PTPRT: variants seen among roughly 807,000 people sequenced by gnomAD.
PTPRT encodes protein tyrosine phosphatase receptor type T.
PTPRT carries 56 observed loss-of-function variants against 176.8 expected under a neutral mutation model. The observed-to-expected ratio is 0.32, with a 90% CI of 0.26 to 0.40. The LOEUF (loss-of-function observed/expected upper bound fraction) is 0.40, where lower values mean the gene tolerates loss of function less well. Among genes scored for constraint, PTPRT ranks in the 10% least tolerant of loss-of-function variants. The pLI, the probability that PTPRT is intolerant of heterozygous loss-of-function variation, is 1.00. For synonymous variants in PTPRT, 783 were observed against 739.0 expected (o/e 1.06, Z -0.96); for missense variants, 1,540 against 1,908.2 (o/e 0.81, Z 3.60).
chr20:42,562,001 C>A (rs1251505238), intron 7 of PTPRT, among the ~76,000 whole-genome samples: 1 of 152,176 alleles, frequency 6.6e-6, no homozygotes, highest in Admixed American at 6.5e-5. Flanking sequence ...GCGTTGAAAT[C>A]AGGCAGCCTT....
chr20:42,116,095 G>A (rs1206579783), intron 21 of PTPRT: 1 of 721,834 alleles, frequency 1.4e-6, no homozygotes, highest in Admixed American at 2.0e-5. Context: ...TGTTCCGCTG[G>A]GTGCTAATAG....
At chr20:42,358,022 C>T (rs369575592) in intron 9 of PTPRT, among the ~76,000 whole-genome samples, 8 of 150,640 alleles carry the variant, frequency 5.3e-5, no homozygotes, top group South Asian at 2.1e-4. Flanking sequence ...GACATGACAA[C>T]GAAATGCTAT....
At chr20:42,476,736 A>G (rs1298622896) in intron 7 of PTPRT, among the ~76,000 whole-genome samples, 1 of 152,156 alleles carries the variant, frequency 6.6e-6, no homozygotes, top group Non-Finnish European at 1.5e-5. Flanking sequence ...AGGGAAAGAC[A>G]ATGGCTATTA....
the PTPRT span, among the ~76,000 whole-genome samples, chr20:42,057,630 C>T: frequency 6.6e-6 from 1 of 151,978 alleles, no homozygotes; most frequent in African/African-American, 2.4e-5. Flanking sequence ...GCTCTGTCAC[C>T]CAGGCTGGAA....
chr20:42,309,222 T>G (rs1363121237), intron 12 of PTPRT, among the ~76,000 whole-genome samples: 3 of 152,190 alleles, frequency 2.0e-5, no homozygotes, highest in Non-Finnish European at 4.4e-5. Context: ...CACACTTGTT[T>G]TGCATCCAAC....
chr20:42,648,361 C>A (rs1013894586), intron 7 of PTPRT, among the ~76,000 whole-genome samples: 1 of 152,140 alleles, frequency 6.6e-6, no homozygotes, highest in African/African-American at 2.4e-5. Flanking sequence ...TCCCAGCAAA[C>A]CAAGCCCGGC....
chr20:42,437,554 T>A (rs1380394681), intron 9 of PTPRT, among the ~76,000 whole-genome samples: 1 of 152,132 alleles, frequency 6.6e-6, no homozygotes, highest in Non-Finnish European at 1.5e-5. Flanking sequence ...AGACATGGTA[T>A]GTATGTATGT....
intron 6 of PTPRT, 23 bp downstream of exon 6, chr20:42,756,439 A>G: frequency 3.3e-6 from 5 of 1,503,828 alleles, no homozygotes; most frequent in Non-Finnish European, 4.5e-6. Flanking sequence ...ATGGCAGTAG[A>G]GGCGCAGGCT....
intron 13 of PTPRT, among the ~76,000 whole-genome samples, chr20:42,269,909 C>G (rs1031219866): frequency 2.0e-5 from 3 of 152,134 alleles, no homozygotes; most frequent in African/African-American, 7.2e-5. Context: ...GTTATGTCAA[C>G]TTTTTTCCCA....
chr20:42,070,099 G>A (rs959142880), downstream of PTPRT, among the ~76,000 whole-genome samples: 5 of 152,034 alleles, frequency 3.3e-5, no homozygotes, highest in Admixed American at 3.3e-4. Flanking sequence ...TATCTCACCA[G>A]CTGCTTCTGC....
chr20:42,705,552 T>G (rs962130239), intron 6 of PTPRT, among the ~76,000 whole-genome samples: 1 of 152,120 alleles, frequency 6.6e-6, no homozygotes, highest in Admixed American at 6.5e-5. Context: ...GGCTTGACCA[T>G]GGTGTGGCTA....
chr20:42,727,948 A>G (rs1453733336), intron 6 of PTPRT, among the ~76,000 whole-genome samples: 2 of 152,082 alleles, frequency 1.3e-5, no homozygotes, highest in Non-Finnish European at 2.9e-5. Flanking sequence ...ACTTGGCACC[A>G]TCCTCCAAAT....
chr20:42,722,893 G>C (rs550040502), intron 6 of PTPRT, among the ~76,000 whole-genome samples: 2 of 152,152 alleles, frequency 1.3e-5, no homozygotes, highest in Non-Finnish European at 2.9e-5. Flanking sequence ...TCAGGACTAT[G>C]GCAAACTTTA....
At chr20:43,179,184 A>G (rs935700222) in intron 1 of PTPRT, among the ~76,000 whole-genome samples, 1 of 152,210 alleles carries the variant, frequency 6.6e-6, no homozygotes, top group Non-Finnish European at 1.5e-5. Context: ...TTACCTTGAA[A>G]AGAATATTGT....
chr20:42,483,789 C>G (rs904366265), intron 7 of PTPRT, among the ~76,000 whole-genome samples: 5 of 152,236 alleles, frequency 3.3e-5, no homozygotes, highest in South Asian at 2.1e-4. Context: ...GTCTTTGGCT[C>G]CAAACATGCC....
At chr20:42,922,557 A>T (rs776134762) in intron 1 of PTPRT, among the ~76,000 whole-genome samples, 3 of 152,126 alleles carry the variant, frequency 2.0e-5, no homozygotes, top group Non-Finnish European at 1.5e-5. Flanking sequence ...GTTCCTCTCA[A>T]TCTTCCCTTG....
chr20:43,183,577 T>C (rs1678583818), intron 1 of PTPRT, among the ~76,000 whole-genome samples: 1 of 152,252 alleles, frequency 6.6e-6, no homozygotes, highest in East Asian at 1.9e-4. Flanking sequence ...CTATACCTTT[T>C]AGGAAATGCA....
intron 21 of PTPRT, among the ~76,000 whole-genome samples, chr20:42,116,443 C>A (rs1180923473): frequency 1.3e-5 from 2 of 152,178 alleles, no homozygotes; most frequent in Admixed American, 1.3e-4. Context: ...CACTCAGTAT[C>A]TGGGTGGCCC....
chr20:42,595,490 A>G (rs2073654895), intron 7 of PTPRT, among the ~76,000 whole-genome samples: 1 of 152,122 alleles, frequency 6.6e-6, no homozygotes, highest in South Asian at 2.1e-4. Context: ...GAACTACTGC[A>G]GTGAATTATT....
Sources: gnomAD v4.1 joint callset for allele counts (sites outside exome capture counted in the v4.1 genomes callset) on GRCh38, gnomAD v4.1.1 for gene constraint, MANE v1.5 for transcripts, NCBI Gene and HGNC (gene_info 2026-07-23, HGNC 2026-07-21) for gene names.